Variants in LRBA observed in about 807,000 individuals in gnomAD.
The protein encoded by LRBA is lipopolysaccharide-responsive and beige-like anchor protein.
LRBA carries 176 observed loss-of-function variants against 330.0 expected under a neutral mutation model. That is an observed-to-expected ratio of 0.53 (90% CI 0.47 to 0.60). The LOEUF is 0.60. Ranked by LOEUF, LRBA falls within the 20% of genes least tolerant of loss-of-function variation. The probability of loss-of-function intolerance (pLI) is 0.00; values close to 1 mark genes in which losing one functional copy is unlikely to be tolerated. For synonymous variants in LRBA, 1,230 were observed against 1,193.0 expected, an observed-to-expected ratio of 1.03 and a Z score of -0.64; for missense variants, 3,259 against 3,444.8, an observed-to-expected ratio of 0.95 and a Z score of 1.35.
intron 37 of LRBA, among the ~76,000 whole-genome samples, chr4:150,656,899 T>A (rs571875072): frequency 5.3e-5 from 8 of 152,326 alleles, no homozygotes; most frequent in African/African-American, 1.9e-4. Context: ...AGAAACAGTA[T>A]CTGCCTTAAG....
Position 150,885,353 on chromosome 4 carries a change from A to G in LRBA, c.2165+7699T>C, listed in dbSNP as rs188521952. On this transcript the variant is annotated intron_variant, in intron 17 of 56. Coordinates refer to ENST00000651943, the MANE Select transcript of LRBA (RefSeq NM_001364905.1). ...AGTGAGTCACCACTAGGCCGGGCAC[A>G]GTGGCTCATGCCTGTAATCCCAGCA... Among the ~76,000 whole-genome samples, 436 of 152,288 alleles carry G rather than the reference A, an allele frequency of 2.9e-3. 5 individuals carry two copies. The highest frequency in any genetic ancestry group is 0.026 in the Admixed American group (394 of 15,290).
chr4:150,828,204 G>A lies in LRBA; in HGVS notation c.5147C>T (p.Pro1716Leu). The change falls in exon 30 of 57, where the codon CCC becomes CTC. Residue 1716 changes from proline (P) to leucine (L), a missense_variant. Pro to Leu is a moderately conservative substitution (Grantham distance 98). Transcript: ENST00000651943. Reference protein sequence around the residue: ...GALGDLSVEQPVQFRSFDRSV... With the variant: ...GALGDLSVEQLVQFRSFDRSV... ...CCTGTCAAAAGATCTGAACTGCACG[G>A]GTTGTTCCACAGATAGATCACCAAG... 5 of 1,614,026 alleles carry A rather than the reference G, an allele frequency of 3.1e-6. No individual in the cohort carries two copies. The highest frequency in any genetic ancestry group is 4.2e-6 in the Non-Finnish European group (5 of 1,179,952).
chr4:150,284,220 C>A (rs1747884664), intron 54 of LRBA, among the ~76,000 whole-genome samples: 2 of 152,078 alleles, frequency 1.3e-5, no homozygotes, highest in South Asian at 4.1e-4. Context: ...AGAATTTAAA[C>A]CAGCAAAAGC....
chr4:150,422,983 A>T, intron 46 of LRBA: 1 of 781,286 alleles, frequency 1.3e-6, no homozygotes, highest in Non-Finnish European at 2.4e-6. Flanking sequence ...TTTCTGGTCC[A>T]ATGGTGTATA....
At chr4:150,960,370 A>G (rs1045071992) in intron 2 of LRBA, among the ~76,000 whole-genome samples, 2 of 149,000 alleles carry the variant, frequency 1.3e-5, no homozygotes, top group African/African-American at 5.2e-5. Context: ...ATGTTAAACT[A>G]CACCATGAAT....
intron 34 of LRBA, among the ~76,000 whole-genome samples, chr4:150,783,043 C>T (rs1368581134): frequency 6.6e-6 from 1 of 152,104 alleles, no homozygotes; most frequent in Non-Finnish European, 1.5e-5. Context: ...AAGTATAAAG[C>T]CTATCAGGCT....
At chr4:150,987,775 G>T (rs1357169003) in intron 2 of LRBA, among the ~76,000 whole-genome samples, 1 of 151,858 alleles carries the variant, frequency 6.6e-6, no homozygotes, top group Non-Finnish European at 1.5e-5. Context: ...GCCGAGGCAG[G>T]CAGATCACCT....
At chr4:150,884,599 A>C (rs1027599032) in intron 17 of LRBA, among the ~76,000 whole-genome samples, 28 of 152,184 alleles carry the variant, frequency 1.8e-4, no homozygotes, top group Non-Finnish European at 3.7e-4. Flanking sequence ...CTATGGAAAG[A>C]AAAAGGGAAA....
chr4:150,800,337 C>G (rs1741421251), intron 33 of LRBA, among the ~76,000 whole-genome samples: 2 of 152,204 alleles, frequency 1.3e-5, no homozygotes, highest in East Asian at 1.9e-4. Context: ...CTTCAGAAAA[C>G]AAGAGAGACC....
At chr4:150,794,299 G>C (rs560030684) in intron 34 of LRBA, among the ~76,000 whole-genome samples, 28 of 152,198 alleles carry the variant, frequency 1.8e-4, no homozygotes, top group African/African-American at 5.3e-4. Context: ...TTTTTTGGGG[G>C]TGGTGGAAGA....
At position 151,014,778 on chromosome 4, in the gene LRBA, G is replaced by A. The variant is rs190543809; in HGVS notation, c.-136C>T. On this transcript the variant is annotated 5_prime_UTR_variant, in exon 2 of 57. Transcript: ENST00000651943. ...GTGGAGATACCCCAAAGCAGTTGAT[G>A]TGGAAAGTCCTTGGCGTCGCCCTCC... is the stretch of plus-strand genomic sequence containing the variant. 2.3e-5 allele frequency: 14 copies of A among 613,436 alleles called. No homozygotes were observed. The highest frequency in any genetic ancestry group is 1.2e-4 in the Admixed American group (4 of 33,882). 38.0% of individuals were successfully genotyped at this position (613,436 alleles called of 1,614,324 possible).
intron 2 of LRBA, among the ~76,000 whole-genome samples, chr4:150,940,486 T>C (rs1191758101): frequency 2.6e-5 from 4 of 152,242 alleles, no homozygotes; most frequent in Non-Finnish European, 5.9e-5. Context: ...ATTGTTCTAT[T>C]GTTAACCTGG....
intron 40 of LRBA, among the ~76,000 whole-genome samples, chr4:150,536,136 T>C (rs1316306542): frequency 6.6e-6 from 1 of 152,156 alleles, no homozygotes; most frequent in Non-Finnish European, 1.5e-5. Flanking sequence ...GCCAGTGTTA[T>C]GAGTAAAGAA....
At chr4:150,640,598 G>A (rs1234787213) in intron 37 of LRBA, among the ~76,000 whole-genome samples, 1 of 152,096 alleles carries the variant, frequency 6.6e-6, no homozygotes, top group Non-Finnish European at 1.5e-5. Flanking sequence ...ATTTCAGAGG[G>A]TGAAGAACTA....
chr4:150,905,808 A>G, intron 13 of LRBA, 30 bp downstream of exon 13: 1 of 1,541,238 alleles, frequency 6.5e-7, no homozygotes. Context: ...AAAGATAGTA[A>G]AACAATATCA....
In LRBA at chr4:150,453,169, C is replaced by T. The variant is rs554481143; in HGVS notation, c.6780+14504G>A. Among the ~76,000 whole-genome samples, 11 of 152,072 alleles carry T rather than the reference C, an allele frequency of 7.2e-5. No individual in the cohort carries two copies. The South Asian group carries it at 2.3e-3, about 32-fold the overall frequency. Reference sequence around the variant, plus strand: ...CAATCCTAATAAAAAATCTAGAAGGCTTTTTAAAAATTAGAAATTAACAGG... The same window carrying T: ...CAATCCTAATAAAAAATCTAGAAGGTTTTTTAAAAATTAGAAATTAACAGG... On this transcript the variant is annotated intron_variant, in intron 44 of 56. Coordinates refer to ENST00000651943, the MANE Select transcript of LRBA (RefSeq NM_001364905.1).
intron 44 of LRBA, among the ~76,000 whole-genome samples, chr4:150,443,936 T>A (rs1384314934): frequency 6.8e-6 from 1 of 147,132 alleles, no homozygotes; most frequent in African/African-American, 2.5e-5. Flanking sequence ...CCCAGAGTGA[T>A]TTGGGTTGTG....
chr4:150,629,862 T>C (rs909801051), intron 37 of LRBA, among the ~76,000 whole-genome samples: 4 of 152,064 alleles, frequency 2.6e-5, no homozygotes, highest in Non-Finnish European at 5.9e-5. Context: ...TCCCAGCTAC[T>C]TGTGAGGCTG....
Position 150,428,057 on chromosome 4 carries a change from ATAT to A in LRBA, c.7041+7529_7041+7531del, listed in dbSNP as rs1029389737. On this transcript the variant is annotated intron_variant, in intron 46 of 56. Transcript: ENST00000651943. Reference sequence around the variant, plus strand: ...ACTATTCTATGATCACCTCTACTGTATATTATTATTTAACATGCATATGTAATT... The same window carrying A: ...ACTATTCTATGATCACCTCTACTGTATATTATTTAACATGCATATGTAATT... Among the ~76,000 whole-genome samples, 28 of 152,174 alleles carry A rather than the reference ATAT, an allele frequency of 1.8e-4. No homozygotes were observed. In the South Asian group the frequency reaches 2.7e-3, roughly 15 times the overall value.
Sources: allele counts gnomAD v4.1 joint callset (sites outside exome capture counted in the v4.1 genomes callset), GRCh38; gene constraint gnomAD v4.1.1; transcripts MANE v1.5; gene names NCBI Gene and HGNC (gene_info 2026-07-23, HGNC 2026-07-21).